Variants in CCDC7 observed in about 807,000 individuals in gnomAD.
The protein encoded by CCDC7 is coiled-coil domain-containing protein 7.
In CCDC7, 183 loss-of-function variants were observed where a neutral mutation model predicts 196.9. The ratio of observed to expected loss-of-function variants is 0.93; its 90% CI spans 0.82 to 1.05. The LOEUF (loss-of-function observed/expected upper bound fraction) is 1.05, where lower values mean the gene tolerates loss of function less well. Ranked by LOEUF, CCDC7 falls within the 50% of genes least tolerant of loss-of-function variation. The pLI, the probability that CCDC7 is intolerant of heterozygous loss-of-function variation, is 0.00. For missense variants in CCDC7, 1,540 were observed against 1,482.2 expected (o/e 1.04, Z -0.64); for synonymous variants, 525 against 484.6 (o/e 1.08, Z -1.10).
rs556957474 is a variant in CCDC7 at position 32,652,722 on chromosome 10, T to A, written c.2015-11332T>A. On this transcript the variant is annotated intron_variant, in intron 20 of 41. Coordinates refer to ENST00000639629, the Ensembl canonical transcript of CCDC7. ...TACTTTACTCCTCACATTTTGACTT[T>A]TAGATATCTCAATTTCTATATTTTT... Among the ~76,000 whole-genome samples the A allele has an allele frequency of 3.3e-5, 5 of 152,204 alleles. No homozygotes were observed. In the East Asian group the frequency reaches 5.8e-4, roughly 18 times the overall value.
intron 28 of CCDC7, among the ~76,000 whole-genome samples, chr10:32,750,136 A>G (rs2133428039): frequency 6.6e-6 from 1 of 152,302 alleles, no homozygotes; most frequent in South Asian, 2.1e-4. Flanking sequence ...TTAAGAATAA[A>G]TAATTCTCTA....
chr10:32,708,655 G>C (rs963434445), intron 24 of CCDC7, among the ~76,000 whole-genome samples: 1 of 152,168 alleles, frequency 6.6e-6, no homozygotes, highest in Non-Finnish European at 1.5e-5. Context: ...CAAAAAGTGG[G>C]CGAAGCATAT....
chr10:32,860,975 G>A (rs1565739970), intron 41 of CCDC7, among the ~76,000 whole-genome samples: 1 of 151,904 alleles, frequency 6.6e-6, no homozygotes, highest in Admixed American at 6.6e-5. Context: ...CGTGAAAATG[G>A]CCATACTGCC....
intron 16 of CCDC7, among the ~76,000 whole-genome samples, chr10:32,577,622 A>G (rs1292747367): frequency 1.3e-5 from 2 of 152,162 alleles, no homozygotes; most frequent in East Asian, 3.9e-4. Context: ...AGGCTTTTCC[A>G]TTAGTGAATC....
intron 31 of CCDC7, among the ~76,000 whole-genome samples, chr10:32,818,777 A>G (rs550397542): frequency 2.1e-4 from 32 of 152,312 alleles, no homozygotes; most frequent in Admixed American, 1.4e-3. Context: ...GAGAACAAAG[A>G]CACAACATAC....
chr10:32,711,868 CA>C (rs1230816892), intron 25 of CCDC7, 138 bp downstream of exon 26: 1 of 454,264 alleles, frequency 2.2e-6, no homozygotes, highest in African/African-American at 2.1e-5. Context: ...TAACATAACT[CA>C]AGAAAGAAAA....
intron 16 of CCDC7, among the ~76,000 whole-genome samples, chr10:32,573,248 G>A (rs1303507945): frequency 6.6e-6 from 1 of 152,150 alleles, no homozygotes; most frequent in Non-Finnish European, 1.5e-5. Context: ...TGCAATCATG[G>A]TGACGTATAG....
intron 39 of CCDC7, among the ~76,000 whole-genome samples, chr10:32,851,513 T>C (rs2136277308): frequency 6.6e-6 from 1 of 152,330 alleles, no homozygotes; most frequent in South Asian, 2.1e-4. Flanking sequence ...GAGAAGAATG[T>C]GTATCCTGTT....
intron 24 of CCDC7, among the ~76,000 whole-genome samples, chr10:32,703,785 C>T (rs1167349305): frequency 1.3e-5 from 2 of 152,108 alleles, no homozygotes; most frequent in South Asian, 2.1e-4. Context: ...TCACTGATAC[C>T]CTTTCTTCCA....
intron 30 of CCDC7, among the ~76,000 whole-genome samples, chr10:32,808,350 A>G (rs1259988321): frequency 6.6e-6 from 1 of 152,152 alleles, no homozygotes; most frequent in Admixed American, 6.5e-5. Context: ...GCACCAAAGC[A>G]TGACACCCAA....
intron 24 of CCDC7, among the ~76,000 whole-genome samples, chr10:32,701,038 A>T (rs928994971): frequency 1.3e-5 from 2 of 152,164 alleles, no homozygotes; most frequent in Non-Finnish European, 2.9e-5. Context: ...CTAATTGAAT[A>T]TCCTTTATTT....
chr10:32,700,839 C>T (rs1160018053), intron 24 of CCDC7, among the ~76,000 whole-genome samples: 4 of 152,074 alleles, frequency 2.6e-5, no homozygotes, highest in Non-Finnish European at 5.9e-5. Context: ...AATTCACTCA[C>T]GATTTGGCTC....
At chr10:32,783,669 G>T (rs536777148) in intron 29 of CCDC7, among the ~76,000 whole-genome samples, 3 of 152,282 alleles carry the variant, frequency 2.0e-5, no homozygotes, top group Non-Finnish European at 4.4e-5. Context: ...AGACCCAAAA[G>T]AATTGAAAAC....
chr10:32,482,416 T>C (rs2040144004), intron 8 of CCDC7, among the ~76,000 whole-genome samples: 1 of 151,864 alleles, frequency 6.6e-6, no homozygotes, highest in African/African-American at 2.4e-5. Context: ...AGATTCTTTC[T>C]TCTCCTTGAT....
At chr10:32,633,728 GTGTATATATA>G (rs2065212443) in intron 18 of CCDC7, among the ~76,000 whole-genome samples, 1 of 138,768 alleles carries the variant, frequency 7.2e-6, no homozygotes, top group African/African-American at 2.8e-5. Context: ...GTGTGTGTGT[GTGTATATATA>G]TGTGTGTGTG....
chr10:32,848,829 C>A, intron 39 of CCDC7, 111 bp downstream of exon 40: 1 of 903,988 alleles, frequency 1.1e-6, no homozygotes, highest in Non-Finnish European at 1.7e-6. Context: ...TCAGAAATAT[C>A]TTAGGAAAAT....
chr10:32,860,895 T>C (rs1164858762), intron 41 of CCDC7, among the ~76,000 whole-genome samples: 1 of 151,844 alleles, frequency 6.6e-6, no homozygotes, highest in African/African-American at 2.4e-5. Flanking sequence ...AAACCACTGC[T>C]CAAGGAAATA....
At chr10:32,543,329 G>A in exon 12 of CCDC7, 1 of 1,461,350 alleles carries the variant, frequency 6.8e-7, no homozygotes, top group Non-Finnish European at 9.2e-7. Context: ...ATCGAACAAA[G>A]AAAGCTGTGA....
intron 9 of CCDC7, among the ~76,000 whole-genome samples, chr10:32,499,879 T>G (rs1052778138): frequency 1.3e-5 from 2 of 152,192 alleles, no homozygotes; most frequent in African/African-American, 4.8e-5. Context: ...ATTTAACCCT[T>G]AGTGGACACA....
Sources: allele counts gnomAD v4.1 joint callset (sites outside exome capture counted in the v4.1 genomes callset), GRCh38; gene constraint gnomAD v4.1.1; transcripts MANE v1.5; gene names NCBI Gene and HGNC (gene_info 2026-07-23, HGNC 2026-07-21).